The following DIP2B variants were observed in gnomAD, a reference collection of about 807,000 sequenced individuals.
The protein encoded by DIP2B is DIP2 acetate--CoA ligase B (putative).
A neutral mutation model predicts 198.0 loss-of-function variants in DIP2B; 76 were observed. That is an observed-to-expected ratio of 0.38 (90% CI 0.32 to 0.46). The LOEUF is 0.46. Among genes scored for constraint, DIP2B ranks in the 20% least tolerant of loss-of-function variants. The pLI, the probability that DIP2B is intolerant of heterozygous loss-of-function variation, is 0.99. For synonymous variants in DIP2B, 701 were observed against 739.1 expected, an observed-to-expected ratio of 0.95 and a Z score of 0.84; for missense variants, 1,559 against 1,978.4, an observed-to-expected ratio of 0.79 and a Z score of 4.02.
At chr12:50,682,598 C>T (rs556323405) in intron 9 of DIP2B, among the ~76,000 whole-genome samples, 9 of 131,068 alleles carry the variant, frequency 6.9e-5, no homozygotes, top group African/African-American at 2.4e-4. Flanking sequence ...CACTGCATTC[C>T]AGCCTGGGCG....
intron 8 of DIP2B, 173 bp downstream of exon 8, chr12:50,679,049 G>C (rs1372479694): frequency 1.4e-6 from 1 of 739,948 alleles, no homozygotes; most frequent in Non-Finnish European, 2.1e-6. Context: ...ATTTTCATTT[G>C]CTAAAGCAAC....
chr12:50,715,787 T>C (rs1002901113), intron 23 of DIP2B, among the ~76,000 whole-genome samples: 2 of 152,230 alleles, frequency 1.3e-5, no homozygotes, highest in Admixed American at 6.5e-5. Flanking sequence ...CTAAAGAATA[T>C]AGTCTTTATT....
chr12:50,594,197 G>A (rs1190350297), intron 1 of DIP2B, among the ~76,000 whole-genome samples: 1 of 151,648 alleles, frequency 6.6e-6, no homozygotes, highest in Non-Finnish European at 1.5e-5. Flanking sequence ...ACCCGCCTCA[G>A]CCTCCCAAAG....
intron 1 of DIP2B, among the ~76,000 whole-genome samples, chr12:50,540,762 C>A (rs1427178137): frequency 6.6e-6 from 1 of 151,472 alleles, no homozygotes; most frequent in Non-Finnish European, 1.5e-5. Context: ...TGGTCTCGAT[C>A]TCCTGACCTC....
At chr12:50,664,311 TGATAA>T (rs1404614170) in intron 4 of DIP2B, among the ~76,000 whole-genome samples, 1 of 152,346 alleles carries the variant, frequency 6.6e-6, no homozygotes, top group African/African-American at 2.4e-5. Flanking sequence ...ACAAATCACC[TGATAA>T]GATGTCAGTC....
intron 23 of DIP2B, among the ~76,000 whole-genome samples, chr12:50,716,957 G>GTTTTTTTTTTT (rs1592140618): frequency 1.3e-4 from 1 of 7,790 alleles, no homozygotes; most frequent in African/African-American, 2.2e-4. Flanking sequence ...ACGAATTGTT[G>GTTTTTTTTTTT]CTTTTTTTTT....
intron 1 of DIP2B, among the ~76,000 whole-genome samples, chr12:50,602,657 G>A (rs921875101): frequency 6.6e-6 from 1 of 152,066 alleles, no homozygotes; most frequent in Admixed American, 6.6e-5. Context: ...TCAAGAGATT[G>A]AGACCATCCT....
chr12:50,686,897 A>T, intron 12 of DIP2B: 2 of 409,048 alleles, frequency 4.9e-6, no homozygotes, highest in Non-Finnish European at 8.6e-6. Context: ...GACGGCAAAA[A>T]AAAAAGGATT....
chr12:50,671,381 T>C lies in DIP2B; in HGVS notation c.623T>C (p.Phe208Ser), dbSNP rs201761648. The change falls in exon 5 of 38, where the codon TTT becomes TCT. Residue 208 changes from phenylalanine (F) to serine (S), a missense_variant. Transcript: ENST00000301180. Reference sequence around the variant, plus strand: ...ACCAGTGGGTCTCTAGCTGATGTATTTGCCAATACTCGAATAGGTAGGAGC... The same window carrying C: ...ACCAGTGGGTCTCTAGCTGATGTATCTGCCAATACTCGAATAGGTAGGAGC... ...KGTSGSLADVFANTRIENFSA... is the reference protein window; with the variant it reads ...KGTSGSLADVSANTRIENFSA... 2.0e-4 allele frequency: 328 copies of C among 1,614,028 alleles called. No individual in the cohort carries two copies. Among genetic ancestry groups the C allele is most frequent in the Admixed American group, 4.2e-4 (25 of 59,990 alleles).
At chr12:50,588,955 C>T (rs976044730) in intron 1 of DIP2B, among the ~76,000 whole-genome samples, 2 of 151,886 alleles carry the variant, frequency 1.3e-5, no homozygotes, top group African/African-American at 2.4e-5. Flanking sequence ...GAGGCCGAGG[C>T]GGGCGGATCA....
At chr12:50,697,739 C>T (rs1333462370) in intron 17 of DIP2B, among the ~76,000 whole-genome samples, 3 of 151,506 alleles carry the variant, frequency 2.0e-5, no homozygotes, top group African/African-American at 7.3e-5. Flanking sequence ...TTATGTTGCC[C>T]AGGCTGGTCT....
In DIP2B at chr12:50,623,421, ACACACACACACACACACT is replaced by A. The variant is rs1431882502; in HGVS notation, c.101-2553_101-2536del. ...CACACACACACACACACACACACAC[ACACACACACACACACACT>A]CTCTCTCTCTCTCTCTCTCTCTCTC... On this transcript the variant is annotated intron_variant, in intron 1 of 37. Coordinates refer to ENST00000301180, the MANE Select transcript of DIP2B (RefSeq NM_173602.3). Among the ~76,000 whole-genome samples, 122 of 97,028 alleles carry A rather than the reference ACACACACACACACACACT, an allele frequency of 1.3e-3. 1 individual carries two copies. The highest frequency in any genetic ancestry group is 2.1e-3 in the African/African-American group (46 of 21,896). The allele number at this position is 97,028 out of a possible 152,430, so 63.7% of individuals were successfully genotyped here.
At chr12:50,698,791 G>A (rs1939364780) in intron 18 of DIP2B, among the ~76,000 whole-genome samples, 1 of 152,182 alleles carries the variant, frequency 6.6e-6, no homozygotes, top group African/African-American at 2.4e-5. Flanking sequence ...GCTTCCAAGA[G>A]TGTTTGAGTT....
At chr12:50,652,035 C>T (rs1325687863) in intron 3 of DIP2B, among the ~76,000 whole-genome samples, 3 of 152,016 alleles carry the variant, frequency 2.0e-5, no homozygotes, top group African/African-American at 7.2e-5. Context: ...CAAAAATTAG[C>T]TGGGTGCAGT....
chr12:50,686,067 T>A, intron 11 of DIP2B, 111 bp downstream of exon 11: 1 of 1,121,178 alleles, frequency 8.9e-7, no homozygotes, highest in South Asian at 1.9e-5. Flanking sequence ...TATTTAATTC[T>A]CATAGTCTTA....
intron 7 of DIP2B, among the ~76,000 whole-genome samples, chr12:50,677,006 T>A (rs770052264): frequency 4.6e-5 from 7 of 152,318 alleles, no homozygotes; most frequent in Admixed American, 6.5e-5. Flanking sequence ...AATCAAGGCA[T>A]TTTAAGTACA....
chr12:50,612,116 A>G (rs186552369), intron 1 of DIP2B, among the ~76,000 whole-genome samples: 1 of 152,220 alleles, frequency 6.6e-6, no homozygotes, highest in Non-Finnish European at 1.5e-5. Flanking sequence ...ACAAAAAATT[A>G]GCAGGGCATT....
intron 1 of DIP2B, among the ~76,000 whole-genome samples, chr12:50,520,819 A>AT (rs1958110583): frequency 6.6e-6 from 1 of 152,142 alleles, no homozygotes; most frequent in South Asian, 2.1e-4. Flanking sequence ...ATGAATCTAG[A>AT]TTCTGCCATC....
In DIP2B at chr12:50,613,399, A is replaced by C. The variant is rs565595170; in HGVS notation, c.101-12577A>C. ...TTACTCTGATTCCTGTGCAGAAAGA[A>C]ATTTAGAGGTCATTAAGCCAGAGTC... On this transcript the variant is annotated intron_variant, in intron 1 of 37. Transcript: ENST00000301180. Among the ~76,000 whole-genome samples, 4 of 152,332 alleles carry C rather than the reference A, an allele frequency of 2.6e-5. No individual in the cohort carries two copies. The East Asian group carries it at 7.7e-4, about 29-fold the overall frequency.
Sources: gnomAD v4.1 joint callset for allele counts (sites outside exome capture counted in the v4.1 genomes callset) on GRCh38, gnomAD v4.1.1 for gene constraint, MANE v1.5 for transcripts, NCBI Gene and HGNC (gene_info 2026-07-23, HGNC 2026-07-21) for gene names.